The following DLEC1 variants were observed in gnomAD, a reference collection of about 807,000 sequenced individuals.
The protein encoded by DLEC1 is DLEC1 cilia and flagella associated protein, also known as deleted in lung and esophageal cancer protein 1.
A neutral mutation model predicts 198.1 loss-of-function variants in DLEC1; 146 were observed. That is an observed-to-expected ratio of 0.74 (90% confidence interval 0.64 to 0.85). DLEC1 has a LOEUF of 0.85. Among genes scored for constraint, DLEC1 ranks in the 40% least tolerant of loss-of-function variants. The pLI, the probability that DLEC1 is intolerant of heterozygous loss-of-function variation, is 0.00. For missense variants in DLEC1, 2,233 were observed against 2,220.0 expected (o/e 1.01, Z -0.12); for synonymous variants, 897 against 866.8 (o/e 1.03, Z -0.61).
intron 33 of DLEC1, among the ~76,000 whole-genome samples, chr3:38,118,684 C>T (rs1037308407): frequency 2.6e-5 from 4 of 151,942 alleles, no homozygotes; most frequent in Admixed American, 1.3e-4. Flanking sequence ...GGGTAGACAG[C>T]GCCGCCCTGT....
Position 38,062,587 on chromosome 3 carries a change from A to G in DLEC1, c.880A>G (p.Ser294Gly), listed in dbSNP as rs1325904803. The G allele has an allele frequency of 6.2e-7, 1 of 1,614,156 alleles. No homozygotes were observed. The highest frequency in any genetic ancestry group is 8.5e-7 in the Non-Finnish European group (1 of 1,180,030). The change falls in exon 5 of 37, where the codon AGT (serine) becomes GGT (glycine). Residue 294 changes from serine to glycine, a missense_variant. Ser to Gly is a moderately conservative substitution (Grantham distance 56). Transcript: ENST00000308059. ...ERTREPLKKA[S>G]QPRNKNWMNH... ...GCTTTTGTATGTTTCAAAGAAAGCAAGTCAACCAAGGAATAAAAACTGGAT... is the reference window on the plus strand; with the variant it reads ...GCTTTTGTATGTTTCAAAGAAAGCAGGTCAACCAAGGAATAAAAACTGGAT...
intron 6 of DLEC1, among the ~76,000 whole-genome samples, chr3:38,074,941 A>G (rs1697524124): frequency 6.6e-6 from 1 of 152,174 alleles, no homozygotes; most frequent in South Asian, 2.1e-4. Context: ...CCACCTCTCT[A>G]AGAGGAAATT....
chr3:38,093,955 C>G (rs1559440282), intron 12 of DLEC1, among the ~76,000 whole-genome samples, 188 bp downstream of exon 12: 1 of 152,202 alleles, frequency 6.6e-6, no homozygotes, highest in Non-Finnish European at 1.5e-5. Flanking sequence ...CTCTTGGCTA[C>G]TTAAATTTAA....
At chr3:38,109,234 C>T (rs1354186146) in intron 21 of DLEC1, among the ~76,000 whole-genome samples, 198 bp from the exon 22 acceptor site, 1 of 152,222 alleles carries the variant, frequency 6.6e-6, no homozygotes, top group Admixed American at 6.5e-5. Flanking sequence ...CAGACTCAGA[C>T]AGCCATAAGG....
chr3:38,108,771 T>G (rs534307231), intron 21 of DLEC1, among the ~76,000 whole-genome samples: 40 of 152,336 alleles, frequency 2.6e-4, no homozygotes, highest in Middle Eastern at 3.4e-3. Flanking sequence ...GCATGAGTTT[T>G]TGCCCTCCCC....
At chr3:38,081,999 C>T (rs1275035920) in intron 6 of DLEC1, among the ~76,000 whole-genome samples, 22 of 128,786 alleles carry the variant, frequency 1.7e-4, no homozygotes, top group Middle Eastern at 4.8e-3. Context: ...ACTTCTCAGA[C>T]GGGGCAGCTG....
chr3:38,078,866 A>G (rs191365368), intron 6 of DLEC1, among the ~76,000 whole-genome samples: 9,328 of 152,282 alleles, frequency 0.061, 360 homozygotes, highest in Middle Eastern at 0.12. Context: ...TTGATAAGGC[A>G]TAGATCCTGA....
rs561066385 is a variant in DLEC1, at chr3:38,115,441, T to A, written c.3856+388T>A. 5.9e-5 allele frequency among the ~76,000 whole-genome samples: 9 copies of A among 151,264 alleles called. No individual in the cohort carries two copies. The East Asian group carries it at 1.8e-3, about 30-fold the overall frequency. ...CATACAACTGAAGGGAAGGCCGGAG[T>A]GCTGGGGGAACGTGTTGAAGGGCCA... On this transcript the variant is annotated intron_variant, in intron 27 of 36. Transcript: ENST00000308059.
Position 38,071,207 on chromosome 3 carries a change from T to A in DLEC1, c.1173+7288T>A, listed in dbSNP as rs185115285. 1.1e-3 allele frequency among the ~76,000 whole-genome samples: 168 copies of A among 152,174 alleles called. 3 individuals carry two copies. The South Asian group carries it at 0.034, about 31-fold the overall frequency. On this transcript the variant is annotated intron_variant, in intron 6 of 36. Coordinates refer to ENST00000308059, the MANE Select transcript of DLEC1 (RefSeq NM_007335.4). ...GGCCTGGATATGGTTTTGGATGAAT[T>A]GAGAAACTAAACGGAAGATACAAGG...
chr3:38,108,595 T>A, intron 21 of DLEC1, 80 bp downstream of exon 21: 1 of 1,128,848 alleles, frequency 8.9e-7, no homozygotes, highest in Non-Finnish European at 1.3e-6. Flanking sequence ...AGGGAGGCCC[T>A]AGCTTAGGCC....
Position 38,122,422 on chromosome 3 carries a change from C to T in DLEC1, c.*10C>T. The stretch of plus-strand genomic sequence containing the variant: ...GCCTCACCAGCCCTGAGGCTCCGCC[C>T]CAGCCCTCAGCCCCAGGCCCCAGCT... On this transcript the variant is annotated 3_prime_UTR_variant, in exon 37 of 37. Coordinates refer to ENST00000308059, the MANE Select transcript of DLEC1 (RefSeq NM_007335.4). 6.2e-7 allele frequency: 1 copy of T among 1,614,188 alleles called. No individual in the cohort carries two copies. Among genetic ancestry groups the T allele is most frequent in the Non-Finnish European group, 8.5e-7 (1 of 1,180,040 alleles).
rs776246667 is a variant in DLEC1 at position 38,097,653 on chromosome 3, C to G, written c.2565+16C>G. On this transcript the variant is annotated intron_variant, in intron 17 of 36. Coordinates refer to ENST00000308059, the MANE Select transcript of DLEC1 (RefSeq NM_007335.4). ...TGTCTTTAAGGTGCTGCAGGTGGAG[C>G]TGGGCAGTGGGGTGGGCCCAGAGAG... The G allele has an allele frequency of 1.2e-6, 2 of 1,614,144 alleles. No homozygotes were observed. Among genetic ancestry groups the G allele is most frequent in the South Asian group, 2.2e-5 (2 of 91,084 alleles).
At position 38,079,344 on chromosome 3, in the gene DLEC1, G is replaced by GT. The variant is rs1314446294; in HGVS notation, c.1174-4814_1174-4813insT. 7.2e-5 allele frequency among the ~76,000 whole-genome samples: 11 copies of GT among 152,320 alleles called. No individual in the cohort carries two copies. The East Asian group carries it at 1.9e-3, about 27-fold the overall frequency. On this transcript the variant is annotated intron_variant, in intron 6 of 36. Transcript: ENST00000308059. ...GAGTTGGGGAGTTTTAAGAGGTTTA[G>GT]AAGCCTGGCTGTCAATACCCACAAC...
intron 20 of DLEC1, 91 bp from the exon 21 acceptor site, chr3:38,108,314 C>A (rs1699675432): frequency 9.2e-7 from 1 of 1,081,210 alleles, no homozygotes; most frequent in Non-Finnish European, 1.4e-6. Flanking sequence ...CAGTCTCCAG[C>A]ATTGCATGCA....
At position 38,041,044 on chromosome 3, in the gene DLEC1, C is replaced by T. The variant is rs556300281; in HGVS notation, c.411+1408C>T. 3.9e-5 allele frequency among the ~76,000 whole-genome samples: 6 copies of T among 152,134 alleles called. No homozygotes were observed. The South Asian group carries it at 6.2e-4, about 16-fold the overall frequency. ...TTTATTTATTTGAGATGGAGTCTCA[C>T]TCTGTCACCCAGGCTGGAGTGCATG... On this transcript the variant is annotated intron_variant, in intron 1 of 36. Transcript: ENST00000308059.
At chr3:38,060,224 A>T (rs898119246) in intron 3 of DLEC1, among the ~76,000 whole-genome samples, 1 of 152,244 alleles carries the variant, frequency 6.6e-6, no homozygotes, top group Non-Finnish European at 1.5e-5. Flanking sequence ...GGGTTTTCCC[A>T]TGCAGGAAAA....
At chr3:38,040,286 G>A (rs955324272) in intron 1 of DLEC1, among the ~76,000 whole-genome samples, 3 of 151,952 alleles carry the variant, frequency 2.0e-5, no homozygotes, top group Non-Finnish European at 2.9e-5. Context: ...TGCATCCCAC[G>A]TCGTTAGCTT....
chr3:38,116,688 T>TGGCCACTGAG (rs778993876), intron 28 of DLEC1, 30 bp downstream of exon 28: 4 of 1,612,480 alleles, frequency 2.5e-6, no homozygotes, highest in Admixed American at 3.3e-5. Flanking sequence ...CGGGGCAGGC[T>TGGCCACTGAG]GGCCACTGAG....
rs1034691110 is a variant in DLEC1 at position 38,095,872 on chromosome 3, T to G, written c.2113-16T>G. On this transcript the variant is annotated splice_polypyrimidine_tract_variant and intron_variant, in intron 13 of 36. Coordinates refer to ENST00000308059, the MANE Select transcript of DLEC1 (RefSeq NM_007335.4). Reference sequence around the variant, plus strand: ...GAACGCAGTGGTGTTTTCAGGGCACTGTGTTTGCCTTGCAGCTGAGGGATT... The same window carrying G: ...GAACGCAGTGGTGTTTTCAGGGCACGGTGTTTGCCTTGCAGCTGAGGGATT... The G allele has an allele frequency of 2.5e-6, 4 of 1,613,760 alleles. No homozygotes were observed. Among genetic ancestry groups the G allele is most frequent in the Non-Finnish European group, 3.4e-6 (4 of 1,179,940 alleles).
Sources: gnomAD v4.1 joint callset for allele counts (sites outside exome capture counted in the v4.1 genomes callset) on GRCh38, gnomAD v4.1.1 for gene constraint, MANE v1.5 for transcripts, NCBI Gene and HGNC (gene_info 2026-07-23, HGNC 2026-07-21) for gene names.